Variants in EXOC6B observed in about 807,000 individuals in gnomAD.
EXOC6B encodes the protein exocyst complex component 6B.
In EXOC6B, 54 loss-of-function variants were observed where a neutral mutation model predicts 113.5. The ratio of observed to expected loss-of-function variants is 0.48; its 90% CI spans 0.38 to 0.60. The LOEUF is 0.60. EXOC6B is among the 20% of genes least tolerant of loss of function. The probability of loss-of-function intolerance (pLI) is 0.00; values close to 1 mark genes in which losing one functional copy is unlikely to be tolerated. For synonymous variants in EXOC6B, 357 were observed against 339.0 expected (o/e 1.05, Z -0.58); for missense variants, 797 against 977.5 (o/e 0.82, Z 2.46).
At chr2:72,308,054 G>A (rs1477436251) in intron 20 of EXOC6B, among the ~76,000 whole-genome samples, 1 of 152,108 alleles carries the variant, frequency 6.6e-6, no homozygotes, top group Non-Finnish European at 1.5e-5. Context: ...TAAAGCATTT[G>A]ACTCATTTGA....
At chr2:72,195,570 G>C (rs1425129142) in intron 20 of EXOC6B, among the ~76,000 whole-genome samples, 2 of 152,252 alleles carry the variant, frequency 1.3e-5, no homozygotes, top group South Asian at 4.1e-4. Flanking sequence ...GTGAATTAGG[G>C]ACTATATTAT....
At chr2:72,272,215 T>C (rs1422248728) in intron 20 of EXOC6B, among the ~76,000 whole-genome samples, 2 of 152,164 alleles carry the variant, frequency 1.3e-5, no homozygotes, top group Non-Finnish European at 2.9e-5. Context: ...TCATCTTGGA[T>C]AAGTGCCCAA....
intron 21 of EXOC6B, among the ~76,000 whole-genome samples, 185 bp downstream of exon 21, chr2:72,183,890 C>T (rs1445755329): frequency 6.6e-6 from 1 of 152,112 alleles, no homozygotes; most frequent in African/African-American, 2.4e-5. Flanking sequence ...AATTAATAAG[C>T]CACAGGAGGA....
intron 8 of EXOC6B, among the ~76,000 whole-genome samples, chr2:72,542,122 A>C (rs1702637595): frequency 6.6e-6 from 1 of 152,260 alleles, no homozygotes; most frequent in Admixed American, 6.5e-5. Flanking sequence ...TTCTTAGCAT[A>C]CTTCATAGCC....
chr2:72,387,291 T>C (rs1286018400), intron 18 of EXOC6B, among the ~76,000 whole-genome samples: 1 of 152,144 alleles, frequency 6.6e-6, no homozygotes, highest in African/African-American at 2.4e-5. Flanking sequence ...TAGTCTACAG[T>C]GTTCTGTTCT....
At chr2:72,674,241 C>G (rs1424139925) in intron 6 of EXOC6B, among the ~76,000 whole-genome samples, 1 of 152,162 alleles carries the variant, frequency 6.6e-6, no homozygotes, top group Non-Finnish European at 1.5e-5. Flanking sequence ...CCTTTCAATT[C>G]CCACCAATCA....
rs570612110 is a variant in EXOC6B, at chr2:72,443,613, G to C, written c.1980+21547C>G. Among the ~76,000 whole-genome samples, 23 of 152,268 alleles carry C rather than the reference G, an allele frequency of 1.5e-4. No homozygotes were observed. In the East Asian group the frequency reaches 2.9e-3, roughly 19 times the overall value. ...TTTATAAATAAAAAGAGGTTTAATA[G>C]ACTTCCAGTTCCACATGGCTGGGGA... On this transcript the variant is annotated intron_variant, in intron 18 of 21. Transcript: ENST00000272427.
chr2:72,323,681 T>C (rs1338773514), intron 20 of EXOC6B, among the ~76,000 whole-genome samples: 1 of 152,126 alleles, frequency 6.6e-6, no homozygotes, highest in East Asian at 1.9e-4. Flanking sequence ...TCATGTCCTT[T>C]GCAGGGACAT....
chr2:72,428,433 T>C (rs943235702), intron 18 of EXOC6B, among the ~76,000 whole-genome samples: 1 of 152,190 alleles, frequency 6.6e-6, no homozygotes, highest in African/African-American at 2.4e-5. Context: ...TTGCACCTGG[T>C]CCAGTTGCAG....
At chr2:72,547,585 T>A (rs377464387) in intron 8 of EXOC6B, among the ~76,000 whole-genome samples, 36 of 152,144 alleles carry the variant, frequency 2.4e-4, no homozygotes, top group African/African-American at 8.4e-4. Flanking sequence ...CTAAGCTACT[T>A]GTTATGGGAT....
chr2:72,671,875 TGAAG>T (rs372393725), intron 6 of EXOC6B, among the ~76,000 whole-genome samples: 56 of 80,228 alleles, frequency 7.0e-4, no homozygotes, highest in African/African-American at 1.8e-3. Flanking sequence ...AAGAAAGGAA[TGAAG>T]GAAGGAAGGA....
intron 19 of EXOC6B, among the ~76,000 whole-genome samples, chr2:72,354,439 G>C (rs1027771902): frequency 6.6e-6 from 1 of 152,200 alleles, no homozygotes; most frequent in Non-Finnish European, 1.5e-5. Context: ...GTCAGGGTTA[G>C]AGCAGCATGA....
At chr2:72,680,882 A>T (rs1205213845) in intron 6 of EXOC6B, among the ~76,000 whole-genome samples, 1 of 152,190 alleles carries the variant, frequency 6.6e-6, no homozygotes, top group Non-Finnish European at 1.5e-5. Flanking sequence ...AAAAAGACAG[A>T]AGCAAGCAAA....
At chr2:72,765,936 A>G (rs1204738948) in intron 1 of EXOC6B, among the ~76,000 whole-genome samples, 2 of 152,198 alleles carry the variant, frequency 1.3e-5, no homozygotes, top group South Asian at 2.1e-4. Flanking sequence ...TTAGAGGCAT[A>G]AGAGGTTAGA....
intron 20 of EXOC6B, among the ~76,000 whole-genome samples, chr2:72,262,655 T>C (rs1683805430): frequency 6.6e-6 from 1 of 152,160 alleles, no homozygotes; most frequent in Non-Finnish European, 1.5e-5. Context: ...GTATATTACG[T>C]CTGGGGCAAT....
In EXOC6B at chr2:72,775,835, G is replaced by C. The variant is rs75908130; in HGVS notation, c.114-34366C>G. On this transcript the variant is annotated intron_variant, in intron 1 of 21. Transcript: ENST00000272427. Reference sequence around the variant, plus strand: ...TGAAACAATTCGATATATTGACTGTGGTGGTGAATACACATACCTACATGA... The same window carrying C: ...TGAAACAATTCGATATATTGACTGTCGTGGTGAATACACATACCTACATGA... 1.2e-4 allele frequency among the ~76,000 whole-genome samples: 19 copies of C among 152,226 alleles called. No individual in the cohort carries two copies. The East Asian group carries it at 3.5e-3, about 28-fold the overall frequency.
chr2:72,334,991 A>C lies in EXOC6B; in HGVS notation c.2152T>G (p.Phe718Val). Residue 718 changes from phenylalanine to valine, a missense_variant, in exon 20 of 22, where the codon TTC (phenylalanine) becomes GTC (valine). Coordinates refer to ENST00000272427, the MANE Select transcript of EXOC6B (RefSeq NM_015189.3). ...QFARSGPVPG[F>V]QEDTLQLAFI... ...GCCAACTGCAGCGTGTCCTCCTGGA[A>C]CCCAGGCACCGGGCCGGATCTGGCA... The C allele has an allele frequency of 6.2e-7, 1 of 1,613,394 alleles. No individual in the cohort carries two copies. Among genetic ancestry groups the C allele is most frequent in the Non-Finnish European group, 8.5e-7 (1 of 1,179,500 alleles).
chr2:72,428,269 A>G (rs536028041), intron 18 of EXOC6B, among the ~76,000 whole-genome samples: 1 of 152,350 alleles, frequency 6.6e-6, no homozygotes, highest in African/African-American at 2.4e-5. Flanking sequence ...GGCAAAGATA[A>G]GGAGACAAGA....
At chr2:72,571,999 A>C (rs984204461) in intron 7 of EXOC6B, among the ~76,000 whole-genome samples, 1 of 152,252 alleles carries the variant, frequency 6.6e-6, no homozygotes, top group African/African-American at 2.4e-5. Context: ...CACAGAGTAA[A>C]GAAAGTACCT....
Sources: gnomAD v4.1 joint callset for allele counts (sites outside exome capture counted in the v4.1 genomes callset) on GRCh38, gnomAD v4.1.1 for gene constraint, MANE v1.5 for transcripts, NCBI Gene and HGNC (gene_info 2026-07-23, HGNC 2026-07-21) for gene names.